Variants in CAMKMT observed in about 807,000 individuals in gnomAD.
CAMKMT encodes calmodulin-lysine N-methyltransferase.
A neutral mutation model predicts 48.0 loss-of-function variants in CAMKMT; 53 were observed. The ratio of observed to expected loss-of-function variants is 1.10; its 90% CI spans 0.89 to 1.39. The LOEUF (loss-of-function observed/expected upper bound fraction) is 1.39, where lower values mean the gene tolerates loss of function less well. Among genes scored for constraint, CAMKMT ranks in the 40% most tolerant of loss-of-function variants. The pLI is 0.00. For synonymous variants in CAMKMT, 165 were observed against 152.3 expected (o/e 1.08, Z -0.61); for missense variants, 428 against 402.7 (o/e 1.06, Z -0.54).
At chr2:44,434,193 A>G (rs1242803065) in intron 3 of CAMKMT, among the ~76,000 whole-genome samples, 1 of 150,250 alleles carries the variant, frequency 6.7e-6, no homozygotes, top group Non-Finnish European at 1.5e-5. Context: ...GAAACCAAGT[A>G]TTCAACTGTG....
intron 3 of CAMKMT, among the ~76,000 whole-genome samples, chr2:44,559,324 A>T (rs890454536): frequency 6.6e-6 from 1 of 152,134 alleles, no homozygotes; most frequent in African/African-American, 2.4e-5. Context: ...ACTAATAGGA[A>T]GTGCATTCCT....
intron 3 of CAMKMT, among the ~76,000 whole-genome samples, chr2:44,399,330 T>G (rs551706295): frequency 6.6e-6 from 1 of 152,318 alleles, no homozygotes; most frequent in Non-Finnish European, 1.5e-5. Context: ...CTTGGTGACT[T>G]AATCAGAATT....
intron 3 of CAMKMT, among the ~76,000 whole-genome samples, chr2:44,409,118 T>TTGCTAC (rs1683001607): frequency 9.2e-4 from 4 of 4,340 alleles, no homozygotes; most frequent in Non-Finnish European, 2.2e-3. Flanking sequence ...TATATATATA[T>TTGCTAC]ATATATATAT....
chr2:44,762,959 G>T (rs1213463533), intron 9 of CAMKMT, among the ~76,000 whole-genome samples: 1 of 152,216 alleles, frequency 6.6e-6, no homozygotes, highest in East Asian at 1.9e-4. Flanking sequence ...TTTTTCTAAA[G>T]TGATGGGCTA....
chr2:44,613,864 C>T (rs976837533), intron 3 of CAMKMT, among the ~76,000 whole-genome samples: 2 of 152,128 alleles, frequency 1.3e-5, no homozygotes, highest in African/African-American at 2.4e-5. Context: ...TTGGTTTTCA[C>T]GTCCGTCTCT....
chr2:44,474,466 AAAAG>A (rs1415790185), intron 3 of CAMKMT, among the ~76,000 whole-genome samples: 2 of 151,960 alleles, frequency 1.3e-5, no homozygotes, highest in Admixed American at 6.6e-5. Context: ...AAAAAAAAGA[AAAAG>A]AAAAAAGAAA....
chr2:44,552,289 T>C (rs1264504894), intron 3 of CAMKMT, among the ~76,000 whole-genome samples: 7 of 152,196 alleles, frequency 4.6e-5, no homozygotes, highest in Non-Finnish European at 1.0e-4. Context: ...TCATTATTAC[T>C]TTTGAGTCTT....
intron 1 of CAMKMT, among the ~76,000 whole-genome samples, chr2:44,363,292 TA>T (rs1186086898): frequency 6.6e-6 from 1 of 152,180 alleles, no homozygotes; most frequent in Non-Finnish European, 1.5e-5. Flanking sequence ...GTATCTATAA[TA>T]AAGTAAATAT....
intron 9 of CAMKMT, among the ~76,000 whole-genome samples, chr2:44,755,014 G>T (rs1448147083): frequency 3.3e-5 from 5 of 152,254 alleles, no homozygotes; most frequent in African/African-American, 1.2e-4. Context: ...GTCCACTCTA[G>T]TCTTCTGACT....
chr2:44,458,986 T>C (rs1667717085), intron 3 of CAMKMT, among the ~76,000 whole-genome samples: 1 of 152,126 alleles, frequency 6.6e-6, no homozygotes, highest in Non-Finnish European at 1.5e-5. Context: ...ATTCTGAAGT[T>C]TTAAGTGACA....
chr2:44,768,340 A>G (rs1680933406), intron 10 of CAMKMT, among the ~76,000 whole-genome samples: 1 of 100,734 alleles, frequency 9.9e-6, no homozygotes, highest in Admixed American at 1.0e-4. Context: ...ACGGGCGCCC[A>G]TGATATATAT....
At chr2:44,525,944 G>A (rs1328858452) in intron 3 of CAMKMT, among the ~76,000 whole-genome samples, 1 of 151,934 alleles carries the variant, frequency 6.6e-6, no homozygotes, top group African/African-American at 2.4e-5. Context: ...TGCCATGCTG[G>A]TGTGCTGCAC....
intron 3 of CAMKMT, among the ~76,000 whole-genome samples, chr2:44,619,322 G>A (rs1159634200): frequency 2.0e-5 from 3 of 152,096 alleles, no homozygotes; most frequent in Admixed American, 2.0e-4. Context: ...ATAGATAATT[G>A]AGATTTTAAA....
chr2:44,577,918 T>G (rs1669322369), intron 3 of CAMKMT, among the ~76,000 whole-genome samples: 1 of 152,240 alleles, frequency 6.6e-6, no homozygotes, highest in Non-Finnish European at 1.5e-5. Context: ...CGTAGACAGA[T>G]CGCCTTTGTC....
intron 1 of CAMKMT, among the ~76,000 whole-genome samples, chr2:44,363,623 A>G (rs1572623629): frequency 7.5e-6 from 1 of 133,404 alleles, no homozygotes; most frequent in South Asian, 2.4e-4. Context: ...CAGGTGATCC[A>G]CCCACCTCGG....
rs1323274443 is a variant in CAMKMT at position 44,516,878 on chromosome 2, A to C, written c.376+126573A>C. On this transcript the variant is annotated intron_variant, in intron 3 of 10. Coordinates refer to ENST00000378494, the MANE Select transcript of CAMKMT (RefSeq NM_024766.5). ...TGCCTCAGCCTCCCGAGTAGCAGGG[A>C]TTACAGGCATGTGCCACCACGCCCA... 2.0e-5 allele frequency among the ~76,000 whole-genome samples: 3 copies of C among 151,802 alleles called. No homozygotes were observed. The East Asian group carries it at 5.8e-4, about 29-fold the overall frequency.
chr2:44,407,209 T>C (rs1283798535), intron 3 of CAMKMT, among the ~76,000 whole-genome samples: 1 of 152,068 alleles, frequency 6.6e-6, no homozygotes, highest in Non-Finnish European at 1.5e-5. Context: ...TCTTAGAGAG[T>C]TTTTTTCAAT....
chr2:44,652,683 ACAAT>A (rs1307441179), intron 3 of CAMKMT, among the ~76,000 whole-genome samples: 1 of 152,244 alleles, frequency 6.6e-6, no homozygotes, highest in Non-Finnish European at 1.5e-5. Flanking sequence ...TTAACGTGAA[ACAAT>A]CAACATATCC....
chr2:44,527,989 T>G (rs1055699447), intron 3 of CAMKMT, among the ~76,000 whole-genome samples: 6 of 152,138 alleles, frequency 3.9e-5, no homozygotes, highest in African/African-American at 1.2e-4. Flanking sequence ...GTCCTAAAAA[T>G]CTTCTGTGCT....
Sources: allele counts gnomAD v4.1 joint callset (sites outside exome capture counted in the v4.1 genomes callset), GRCh38; gene constraint gnomAD v4.1.1; transcripts MANE v1.5; gene names NCBI Gene and HGNC (gene_info 2026-07-23, HGNC 2026-07-21).